The following MCTP1 variants were observed in gnomAD, a reference collection of about 807,000 sequenced individuals.
MCTP1 encodes the protein multiple C2 and transmembrane domain-containing protein 1.
Under a neutral mutation model 120.6 loss-of-function variants are expected in MCTP1, and 69 were observed. That is an observed-to-expected ratio of 0.57 (90% CI 0.47 to 0.70). The LOEUF (loss-of-function observed/expected upper bound fraction) is 0.70, where lower values mean the gene tolerates loss of function less well. Among genes scored for constraint, MCTP1 ranks in the 30% least tolerant of loss-of-function variants. The pLI is 0.00. For synonymous variants in MCTP1, 529 were observed against 493.1 expected (o/e 1.07, Z -0.96); for missense variants, 1,203 against 1,248.8 (o/e 0.96, Z 0.55).
At chr5:95,088,067 T>C (rs1648850732) in intron 1 of MCTP1, among the ~76,000 whole-genome samples, 1 of 152,202 alleles carries the variant, frequency 6.6e-6, no homozygotes, top group African/African-American at 2.4e-5. Flanking sequence ...AATGGAAACA[T>C]TGGCATTCTG....
At chr5:94,920,876 T>G (rs143740154) in intron 7 of MCTP1, among the ~76,000 whole-genome samples, 1 of 152,216 alleles carries the variant, frequency 6.6e-6, no homozygotes, top group East Asian at 1.9e-4. Flanking sequence ...TACTCTGATA[T>G]AACTTCTAAA....
intron 1 of MCTP1, among the ~76,000 whole-genome samples, chr5:95,179,532 TAAAC>T (rs1412333833): frequency 6.6e-6 from 1 of 152,130 alleles, no homozygotes; most frequent in East Asian, 1.9e-4. Flanking sequence ...TTAGCCTCCT[TAAAC>T]AAAACAATTA....
rs1754701171 is a variant in MCTP1, at chr5:94,706,614, A to AAAAT, written c.*878_*881dup. 6.7e-6 allele frequency: 1 copy of AAAAT among 149,048 alleles called. No individual in the cohort carries two copies. Among genetic ancestry groups the AAAAT allele is most frequent in the Admixed American group, 6.7e-5 (1 of 14,916 alleles). The allele number at this position is 149,048 out of a possible 1,614,324, so 9.2% of individuals were successfully genotyped here. A position where few individuals can be genotyped will look rare whatever the true frequency, so the allele number is the denominator to read the frequency against. On this transcript the variant is annotated 3_prime_UTR_variant, in exon 23 of 23. Coordinates refer to ENST00000515393, the MANE Select transcript of MCTP1 (RefSeq NM_024717.7). ...CTCTGAGAGCACTTGAGTATTTATTAAAATATTTTTAGATGCACAGATACA... is the reference window on the plus strand; with the variant it reads ...CTCTGAGAGCACTTGAGTATTTATTAAAATAAATATTTTTAGATGCACAGATACA...
At chr5:94,725,528 A>T (rs1014795549) in intron 19 of MCTP1, among the ~76,000 whole-genome samples, 1 of 152,166 alleles carries the variant, frequency 6.6e-6, no homozygotes, top group Non-Finnish European at 1.5e-5. Flanking sequence ...GTTTGTTTTT[A>T]AAAAAACTTC....
At chr5:95,175,562 A>T (rs1747866743) in intron 1 of MCTP1, among the ~76,000 whole-genome samples, 1 of 152,222 alleles carries the variant, frequency 6.6e-6, no homozygotes, top group Non-Finnish European at 1.5e-5. Context: ...CTCCTACCAC[A>T]CAATAAACCC....
At chr5:95,170,896 T>G (rs1372994002) in intron 1 of MCTP1, among the ~76,000 whole-genome samples, 1 of 152,204 alleles carries the variant, frequency 6.6e-6, no homozygotes, top group Non-Finnish European at 1.5e-5. Flanking sequence ...AATTGGAGCA[T>G]TTAGTCCATT....
At chr5:95,100,573 T>C (rs886416568) in intron 1 of MCTP1, among the ~76,000 whole-genome samples, 3 of 152,254 alleles carry the variant, frequency 2.0e-5, no homozygotes, top group Non-Finnish European at 4.4e-5. Context: ...TAAGAATTTG[T>C]ATAAAGAATA....
intron 1 of MCTP1, 58 bp downstream of exon 1, chr5:95,283,798 C>G: frequency 7.7e-7 from 1 of 1,306,572 alleles, no homozygotes; most frequent in East Asian, 3.1e-5. Context: ...TGGTGAACGC[C>G]TGAAGAGGGA....
rs533095379 is a variant in MCTP1 at position 94,777,709 on chromosome 5, G to C, written c.2610+1401C>G. Among the ~76,000 whole-genome samples, 11 of 152,218 alleles carry C rather than the reference G, an allele frequency of 7.2e-5. No homozygotes were observed. The South Asian group carries it at 1.0e-3, about 14-fold the overall frequency. ...ACAAGCTCTCTACAGCTCTACAACT[G>C]ACCTTAGCAATAAATCATATCATTT... On this transcript the variant is annotated intron_variant, in intron 19 of 22. Transcript: ENST00000515393.
At position 94,799,234 on chromosome 5, in the gene MCTP1, C is replaced by T. The variant is rs1780698826; in HGVS notation, c.2437-102G>A. On this transcript the variant is annotated intron_variant, in intron 17 of 22. Transcript: ENST00000515393. ...TTCAAAAACACAAAACCAAATGCTTCAGAACAGGAAGATTTATCTTGAAAA... is the reference window on the plus strand; with the variant it reads ...TTCAAAAACACAAAACCAAATGCTTTAGAACAGGAAGATTTATCTTGAAAA... The T allele has an allele frequency of 3.9e-6, 4 of 1,038,508 alleles. No homozygotes were observed. In the Admixed American group the frequency reaches 1.2e-4, roughly 30 times the overall value. 64.3% of individuals were successfully genotyped at this position (1,038,508 alleles called of 1,614,324 possible).
At chr5:94,894,863 G>T in intron 10 of MCTP1, 28 bp from the exon 11 acceptor site, 11 of 1,345,548 alleles carry the variant, frequency 8.2e-6, no homozygotes, top group Non-Finnish European at 8.7e-6. Flanking sequence ...GAATCAGCAA[G>T]TGGCTTTTTT....
intron 3 of MCTP1, among the ~76,000 whole-genome samples, chr5:94,950,750 G>A (rs1191527530): frequency 1.3e-5 from 2 of 151,732 alleles, no homozygotes; most frequent in South Asian, 2.1e-4. Flanking sequence ...TCAGGAGATC[G>A]AGACCATCCC....
intron 1 of MCTP1, among the ~76,000 whole-genome samples, chr5:95,112,203 TACTTTCCCAATA>T (rs960423932): frequency 3.3e-5 from 5 of 152,204 alleles, no homozygotes; most frequent in Non-Finnish European, 5.9e-5. Flanking sequence ...TGCTCCTGGA[TACTTTCCCAATA>T]ACTAAATCCT....
At chr5:95,066,171 A>G (rs1338072217) in intron 1 of MCTP1, among the ~76,000 whole-genome samples, 1 of 152,112 alleles carries the variant, frequency 6.6e-6, no homozygotes, top group Non-Finnish European at 1.5e-5. Flanking sequence ...GAAACCAAAT[A>G]ATCAAACTTA....
intron 19 of MCTP1, among the ~76,000 whole-genome samples, chr5:94,733,963 GAA>G (rs34669127): frequency 5.2e-5 from 7 of 134,328 alleles, no homozygotes; most frequent in African/African-American, 1.1e-4. Context: ...GACTCTGTCT[GAA>G]AAAAAAAAAA....
chr5:94,994,698 G>T (rs1488586621), intron 2 of MCTP1, among the ~76,000 whole-genome samples: 1 of 152,132 alleles, frequency 6.6e-6, no homozygotes, highest in African/African-American at 2.4e-5. Context: ...GTCTGTGAGG[G>T]TGTTGCCAAA....
intron 1 of MCTP1, among the ~76,000 whole-genome samples, chr5:95,086,445 G>A (rs923910141): frequency 1.3e-5 from 2 of 152,168 alleles, no homozygotes; most frequent in Admixed American, 1.3e-4. Context: ...ATAAGATGGA[G>A]TAAATGTTAG....
chr5:94,877,182 G>T (rs1799070459), intron 12 of MCTP1, among the ~76,000 whole-genome samples: 1 of 152,088 alleles, frequency 6.6e-6, no homozygotes, highest in Admixed American at 6.6e-5. Context: ...TTTTAAAAGT[G>T]AAGGATAATG....
At chr5:95,041,393 C>A (rs1427032195) in intron 1 of MCTP1, among the ~76,000 whole-genome samples, 1 of 151,208 alleles carries the variant, frequency 6.6e-6, no homozygotes, top group South Asian at 2.1e-4. Flanking sequence ...AACTTGTCAG[C>A]CCTAATTATA....
Sources: gnomAD v4.1 joint callset for allele counts (sites outside exome capture counted in the v4.1 genomes callset) on GRCh38, gnomAD v4.1.1 for gene constraint, MANE v1.5 for transcripts, NCBI Gene and HGNC (gene_info 2026-07-23, HGNC 2026-07-21) for gene names.